NELL1: variants seen among roughly 807,000 people sequenced by gnomAD.
NELL1 encodes the protein neural EGFL like 1.
A neutral mutation model predicts 107.4 loss-of-function variants in NELL1; 76 were observed. That is an observed-to-expected ratio of 0.71 (90% CI 0.59 to 0.86). The LOEUF (loss-of-function observed/expected upper bound fraction) is 0.86, where lower values mean the gene tolerates loss of function less well. NELL1 is among the 40% of genes least tolerant of loss of function. NELL1 has a pLI of 0.00. For synonymous variants in NELL1, 353 were observed against 341.2 expected (o/e 1.03, Z -0.38); for missense variants, 1,024 against 1,005.5 (o/e 1.02, Z -0.25).
chr11:21,460,209 AT>A, intron 15 of NELL1, among the ~76,000 whole-genome samples: 1 of 152,206 alleles, frequency 6.6e-6, no homozygotes, highest in South Asian at 2.1e-4. Flanking sequence ...CAGAAAAAAA[AT>A]AAATGGACAA....
chr11:21,286,706 C>G (rs755472712), intron 14 of NELL1, among the ~76,000 whole-genome samples: 6 of 152,202 alleles, frequency 3.9e-5, no homozygotes, highest in Non-Finnish European at 7.3e-5. Flanking sequence ...ATTCTTGGAC[C>G]AGACTGCTGC....
At chr11:20,910,551 G>A (rs563728883) in intron 5 of NELL1, among the ~76,000 whole-genome samples, 1 of 152,234 alleles carries the variant, frequency 6.6e-6, no homozygotes, top group Non-Finnish European at 1.5e-5. Context: ...CAGTCCCAGG[G>A]GGGCCGTGCT....
chr11:21,084,744 G>A (rs192882319), intron 12 of NELL1, among the ~76,000 whole-genome samples: 89 of 152,296 alleles, frequency 5.8e-4, no homozygotes, highest in Admixed American at 3.8e-3. Flanking sequence ...ACCACTGTGC[G>A]TTTGTGTCTT....
intron 2 of NELL1, among the ~76,000 whole-genome samples, chr11:20,754,972 A>G (rs1030490598): frequency 1.3e-5 from 2 of 152,208 alleles, no homozygotes; most frequent in African/African-American, 4.8e-5. Context: ...CACACTCTTA[A>G]TGCTGTTTTA....
At chr11:20,818,078 A>G (rs1238553150) in intron 3 of NELL1, among the ~76,000 whole-genome samples, 2 of 152,096 alleles carry the variant, frequency 1.3e-5, no homozygotes, top group Non-Finnish European at 2.9e-5. Context: ...TGATGGATGG[A>G]GTATTCTATA....
rs557282316 is a variant in NELL1, at chr11:21,458,425, T to C, written c.1646-75949T>C. ...AAAGATTTATGTACAAAGATAATAA[T>C]CACAGAATCATTTATAATAAGGAAA... is the stretch of plus-strand genomic sequence containing the variant. On this transcript the variant is annotated intron_variant, in intron 15 of 19. Transcript: ENST00000357134. Among the ~76,000 whole-genome samples the C allele has an allele frequency of 2.6e-5, 4 of 152,158 alleles. No homozygotes were observed. In the South Asian group the frequency reaches 6.2e-4, roughly 24 times the overall value.
At chr11:20,704,067 C>T (rs1455026623) in intron 2 of NELL1, among the ~76,000 whole-genome samples, 2 of 152,020 alleles carry the variant, frequency 1.3e-5, no homozygotes, top group African/African-American at 2.4e-5. Context: ...CTTGTTAACT[C>T]TCTGTCTTGC....
chr11:21,258,290 G>T (rs1858820907), intron 14 of NELL1, among the ~76,000 whole-genome samples: 1 of 152,038 alleles, frequency 6.6e-6, no homozygotes, highest in African/African-American at 2.4e-5. Flanking sequence ...GGTGTTTGCT[G>T]AAGCATGGAC....
At chr11:21,185,742 C>CT (rs1856922527) in intron 13 of NELL1, among the ~76,000 whole-genome samples, 1 of 151,838 alleles carries the variant, frequency 6.6e-6, no homozygotes. Context: ...AGTGCAGTGT[C>CT]TGTCATACAT....
At chr11:20,887,684 C>T (rs1849538006) in intron 5 of NELL1, among the ~76,000 whole-genome samples, 1 of 152,164 alleles carries the variant, frequency 6.6e-6, no homozygotes, top group Admixed American at 6.5e-5. Context: ...TAAACCACAG[C>T]ACTTGAAGGG....
At chr11:21,537,880 T>C (rs569499557) in intron 16 of NELL1, among the ~76,000 whole-genome samples, 7 of 152,218 alleles carry the variant, frequency 4.6e-5, no homozygotes, top group South Asian at 2.1e-4. Flanking sequence ...AGTCTTTTAT[T>C]TAAAAAAATG....
Position 21,522,834 on chromosome 11 carries a change from C to CTTTTTTTTTTTTTTTTTT in NELL1, c.1646-11533_1646-11516dup. ...ATCTTGAATCCTATTTTTTTCTTTTCTTTTTTTTTTTTTTTTTTTTTTTTG... is the reference window on the plus strand; with the variant it reads ...ATCTTGAATCCTATTTTTTTCTTTTCTTTTTTTTTTTTTTTTTTTTTTTTTTTTTTTTTTTTTTTTTTG... On this transcript the variant is annotated intron_variant, in intron 15 of 19. Coordinates refer to ENST00000357134, the MANE Select transcript of NELL1 (RefSeq NM_006157.5). 1.0e-3 allele frequency among the ~76,000 whole-genome samples: 70 copies of CTTTTTTTTTTTTTTTTTT among 68,440 alleles called. 2 individuals are homozygous for CTTTTTTTTTTTTTTTTTT. Among genetic ancestry groups the CTTTTTTTTTTTTTTTTTT allele is most frequent in the Middle Eastern group, 0.021 (1 of 48 alleles). 44.9% of individuals were successfully genotyped at this position (68,440 alleles called of 152,430 possible).
At chr11:20,773,298 A>G (rs1856676622) in intron 2 of NELL1, among the ~76,000 whole-genome samples, 2 of 152,330 alleles carry the variant, frequency 1.3e-5, no homozygotes, top group East Asian at 3.9e-4. Flanking sequence ...TGTATACCAA[A>G]TAAGCTAACA....
rs773116881 is a variant in NELL1, at chr11:20,847,599, A to G, written c.352A>G (p.Ser118Gly). The change falls in exon 4 of 20, where the codon AGC (serine) becomes GGC (glycine). Residue 118 changes from serine (S) to glycine (G), a missense_variant. Coordinates refer to ENST00000357134, the MANE Select transcript of NELL1 (RefSeq NM_006157.5). ...ELEHSYFELE[S>G]SGLRDEIRYH... ...TACATACAGCTATTTTGAACTGGAG[A>G]GCAGTGGCCTGAGGGATGAGATTCG... The G allele has an allele frequency of 1.2e-6, 2 of 1,613,138 alleles. No individual in the cohort carries two copies. The highest frequency in any genetic ancestry group is 1.7e-6 in the Non-Finnish European group (2 of 1,179,582).
At chr11:20,972,482 G>C (rs964161509) in intron 12 of NELL1, among the ~76,000 whole-genome samples, 1 of 152,126 alleles carries the variant, frequency 6.6e-6, no homozygotes, top group Non-Finnish European at 1.5e-5. Flanking sequence ...ATGGAGAAGT[G>C]TGGGGTGGTA....
chr11:21,332,946 A>T (rs1343589668), intron 14 of NELL1, among the ~76,000 whole-genome samples: 3 of 152,004 alleles, frequency 2.0e-5, no homozygotes, highest in African/African-American at 7.2e-5. Context: ...TGTGTCTTTT[A>T]TTCTAAATTT....
chr11:20,714,879 A>G (rs925261849), intron 2 of NELL1, among the ~76,000 whole-genome samples: 2 of 152,158 alleles, frequency 1.3e-5, no homozygotes, highest in South Asian at 2.1e-4. Context: ...TTCACCTTAT[A>G]TAAGTTAAGA....
At chr11:20,777,246 A>G (rs1388153653) in intron 2 of NELL1, among the ~76,000 whole-genome samples, 3 of 152,224 alleles carry the variant, frequency 2.0e-5, no homozygotes, top group Admixed American at 2.0e-4. Flanking sequence ...TAAAGTAGGA[A>G]TAATAATAAT....
chr11:20,701,280 T>C (rs7482263), intron 2 of NELL1, among the ~76,000 whole-genome samples: 31,936 of 152,044 alleles, frequency 0.21, 3,883 homozygotes, highest in African/African-American at 0.3. Context: ...CATTTTTTCA[T>C]GTGTCTTTTG....
Sources: gnomAD v4.1 joint callset for allele counts (sites outside exome capture counted in the v4.1 genomes callset) on GRCh38, gnomAD v4.1.1 for gene constraint, MANE v1.5 for transcripts, NCBI Gene and HGNC (gene_info 2026-07-23, HGNC 2026-07-21) for gene names.